Variants in LDLRAD4 observed in about 807,000 individuals in gnomAD.
LDLRAD4 encodes low density lipoprotein receptor class A domain containing 4.
A neutral mutation model predicts 17.0 loss-of-function variants in LDLRAD4; 5 were observed. The ratio of observed to expected loss-of-function variants is 0.29; its 90% CI spans 0.15 to 0.62. The LOEUF (loss-of-function observed/expected upper bound fraction) is 0.62, where lower values mean the gene tolerates loss of function less well. LDLRAD4 is among the 20% of genes least tolerant of loss of function. LDLRAD4 has a pLI of 0.84. For synonymous variants in LDLRAD4, 168 were observed against 171.8 expected (o/e 0.98, Z 0.17); for missense variants, 340 against 424.7 (o/e 0.80, Z 1.75).
chr18:13,339,637 C>G (rs570818070), intron 1 of LDLRAD4, among the ~76,000 whole-genome samples: 10 of 151,962 alleles, frequency 6.6e-5, no homozygotes, highest in African/African-American at 2.4e-4. Context: ...TAAAATAAAA[C>G]TTTTTTTTAT....
intron 3 of LDLRAD4, among the ~76,000 whole-genome samples, chr18:13,550,688 G>A (rs1038899720): frequency 1.2e-4 from 18 of 152,226 alleles, no homozygotes; most frequent in African/African-American, 4.1e-4. Flanking sequence ...CTGCCAAAAC[G>A]TAAGCCGAGG....
intron 1 of LDLRAD4, among the ~76,000 whole-genome samples, chr18:13,313,574 T>C (rs2080768156): frequency 6.6e-6 from 1 of 152,166 alleles, no homozygotes; most frequent in Non-Finnish European, 1.5e-5. Context: ...AGAACTGCCT[T>C]CCCCCGCCAC....
At chr18:13,224,675 T>C (rs1286667269) in intron 1 of LDLRAD4, among the ~76,000 whole-genome samples, 1 of 151,412 alleles carries the variant, frequency 6.6e-6, no homozygotes, top group Non-Finnish European at 1.5e-5. Flanking sequence ...AGAGACGGGG[T>C]TTCAGCGTGT....
intron 1 of LDLRAD4, among the ~76,000 whole-genome samples, chr18:13,312,512 C>T (rs2867874): frequency 0.36 from 55,176 of 151,926 alleles, 10,731 homozygotes; most frequent in African/African-American, 0.5. Flanking sequence ...GATGCTAAGG[C>T]GGGAGTACCA....
chr18:13,433,837 C>G (rs984753569), intron 2 of LDLRAD4, among the ~76,000 whole-genome samples: 1 of 152,142 alleles, frequency 6.6e-6, no homozygotes, highest in Non-Finnish European at 1.5e-5. Context: ...CTGAATCATT[C>G]TTTTCCTTTC....
intron 3 of LDLRAD4, among the ~76,000 whole-genome samples, chr18:13,505,158 G>A (rs938001176): frequency 5.3e-5 from 8 of 152,218 alleles, no homozygotes; most frequent in Admixed American, 3.9e-4. Context: ...TAGGCAGTAG[G>A]AGCTGGTTAC....
intron 4 of LDLRAD4, among the ~76,000 whole-genome samples, chr18:13,640,155 T>C (rs191439117): frequency 4.0e-4 from 61 of 151,734 alleles, no homozygotes; most frequent in African/African-American, 1.4e-3. Flanking sequence ...TAGCTGGGTG[T>C]GGTGGCGGGC....
chr18:13,344,848 A>G (rs973497668), intron 1 of LDLRAD4, among the ~76,000 whole-genome samples: 7 of 152,120 alleles, frequency 4.6e-5, no homozygotes, highest in African/African-American at 1.2e-4. Flanking sequence ...AAGCAATTGT[A>G]AATGGGAGTT....
chr18:13,333,754 C>G (rs1304412217), intron 1 of LDLRAD4, among the ~76,000 whole-genome samples: 1 of 152,142 alleles, frequency 6.6e-6, no homozygotes, highest in Non-Finnish European at 1.5e-5. Flanking sequence ...ATTATGTTCT[C>G]TTGTTCTATT....
At chr18:13,524,476 T>C (rs1297613175) in intron 3 of LDLRAD4, among the ~76,000 whole-genome samples, 1 of 152,208 alleles carries the variant, frequency 6.6e-6, no homozygotes, top group Non-Finnish European at 1.5e-5. Flanking sequence ...GTTAGTCTGT[T>C]ATCTGGGAAC....
Position 13,335,135 on chromosome 18 carries a change from T to G in LDLRAD4, c.-382-52206T>G, listed in dbSNP as rs1030639638. On this transcript the variant is annotated intron_variant, in intron 1 of 5. Coordinates refer to ENST00000359446, the Ensembl canonical transcript of LDLRAD4. The stretch of plus-strand genomic sequence containing the variant: ...GTTTCTTATTGGGCCTATTTTAAGT[T>G]GGTAAGTTGATGTTTTTGATATTTG... 3.9e-5 allele frequency among the ~76,000 whole-genome samples: 6 copies of G among 152,186 alleles called. No homozygotes were observed. The East Asian group carries it at 1.2e-3, about 29-fold the overall frequency.
chr18:13,432,907 G>C (rs1380744564), intron 2 of LDLRAD4, among the ~76,000 whole-genome samples: 2 of 152,072 alleles, frequency 1.3e-5, no homozygotes, highest in Non-Finnish European at 2.9e-5. Flanking sequence ...TGTAGAGATG[G>C]GGTCTCACCA....
exon 6 of LDLRAD4, chr18:13,648,090 A>C (rs2043085268): frequency 1.3e-5 from 2 of 152,234 alleles, no homozygotes; most frequent in South Asian, 4.1e-4. Context: ...CCATCATTTC[A>C]GTTCTCACCT....
chr18:13,462,377 G>C (rs2092463110), intron 3 of LDLRAD4: 1 of 152,688 alleles, frequency 6.5e-6, no homozygotes, highest in African/African-American at 2.4e-5. Flanking sequence ...GGGCCACAGG[G>C]GGACGGGCCA....
chr18:13,578,825 G>GTTTTTTTTTTT (rs1286958694), intron 3 of LDLRAD4, among the ~76,000 whole-genome samples: 3 of 49,884 alleles, frequency 6.0e-5, no homozygotes, highest in South Asian at 8.0e-4. Context: ...AGTTGTCCGG[G>GTTTTTTTTTTT]TCTTTTTTTT....
At chr18:13,465,786 A>C (rs1275597622) in intron 3 of LDLRAD4, among the ~76,000 whole-genome samples, 2 of 152,154 alleles carry the variant, frequency 1.3e-5, no homozygotes, top group Non-Finnish European at 2.9e-5. Context: ...TTTACTAATA[A>C]AGTGTTCCTA....
chr18:13,352,328 C>T (rs1305395966), intron 1 of LDLRAD4, among the ~76,000 whole-genome samples: 1 of 152,162 alleles, frequency 6.6e-6, no homozygotes, highest in East Asian at 1.9e-4. Flanking sequence ...CAAATTGTCT[C>T]ATTTTTAGTT....
At chr18:13,497,176 A>C (rs1241888636) in intron 3 of LDLRAD4, among the ~76,000 whole-genome samples, 1 of 152,052 alleles carries the variant, frequency 6.6e-6, no homozygotes, top group Non-Finnish European at 1.5e-5. Flanking sequence ...TTTCAACTTA[A>C]AGAAGGGTTC....
chr18:13,367,371 A>G lies in LDLRAD4; in HGVS notation c.-382-19970A>G, dbSNP rs1256354261. Among the ~76,000 whole-genome samples the G allele has an allele frequency of 6.6e-6, 1 of 152,126 alleles. No homozygotes were observed. The highest frequency in any genetic ancestry group is 1.9e-4 in the East Asian group (1 of 5,186). Reference sequence around the variant, plus strand: ...GATGAGGTCCCGCTGTGCAGAACACACGGGGACTGGCAGGCAGGAAAGGGG... The same window carrying G: ...GATGAGGTCCCGCTGTGCAGAACACGCGGGGACTGGCAGGCAGGAAAGGGG... On this transcript the variant is annotated intron_variant, in intron 1 of 5. Transcript: ENST00000359446. This position sits in a 1 kb window ranked among gnomAD's most constrained non-coding sequence, Gnocchi z 4.1.
Sources: gnomAD v4.1 joint callset for allele counts (sites outside exome capture counted in the v4.1 genomes callset) on GRCh38, gnomAD v4.1.1 for gene constraint, Gnocchi (gnomAD v3.1) non-coding constraint, MANE v1.5 for transcripts, NCBI Gene and HGNC (gene_info 2026-07-23, HGNC 2026-07-21) for gene names.